The following ATP10B variants were observed in gnomAD, a reference collection of about 807,000 sequenced individuals.
ATP10B encodes phospholipid-transporting ATPase VB.
A neutral mutation model predicts 141.2 loss-of-function variants in ATP10B; 122 were observed. The observed-to-expected ratio is 0.86, with a 90% CI of 0.75 to 1.00. The LOEUF (loss-of-function observed/expected upper bound fraction) is 1.00, where lower values mean the gene tolerates loss of function less well. Among genes scored for constraint, ATP10B ranks in the 50% least tolerant of loss-of-function variants. The pLI is 0.00. For missense variants in ATP10B, 1,876 were observed against 1,825.3 expected, an observed-to-expected ratio of 1.03 and a Z score of -0.51; for synonymous variants, 685 against 692.0, an observed-to-expected ratio of 0.99 and a Z score of 0.16.
At position 160,604,499 on chromosome 5, in the gene ATP10B, A is replaced by G. The variant is rs185579724; in HGVS notation, c.3161-458T>C. ...AGGGCCAACACACTTCCCTCGGTCA[A>G]ACTTGAAATACCATATCAAGACAAC... On this transcript the variant is annotated intron_variant, in intron 19 of 25. Coordinates refer to ENST00000327245, the MANE Select transcript of ATP10B (RefSeq NM_025153.3). Among the ~76,000 whole-genome samples, 552 of 152,346 alleles carry G rather than the reference A, an allele frequency of 3.6e-3. 4 individuals carry two copies. The highest frequency in any genetic ancestry group is 3.1e-3 in the Non-Finnish European group (212 of 68,024).
intron 1 of ATP10B, among the ~76,000 whole-genome samples, chr5:160,791,413 T>C (rs1771561856): frequency 6.6e-6 from 1 of 152,146 alleles, no homozygotes; most frequent in Admixed American, 6.5e-5. Flanking sequence ...GGAATTGGTG[T>C]CATTAAACAT....
chr5:160,811,145 A>G (rs1773125602), intron 1 of ATP10B, among the ~76,000 whole-genome samples: 1 of 152,150 alleles, frequency 6.6e-6, no homozygotes, highest in Admixed American at 6.5e-5. Flanking sequence ...CTGACTAAAG[A>G]GCCCTTGGGC....
At chr5:160,831,444 G>T (rs1396883155) in intron 1 of ATP10B, among the ~76,000 whole-genome samples, 2 of 152,172 alleles carry the variant, frequency 1.3e-5, no homozygotes, top group East Asian at 1.9e-4. Context: ...TCAGGAGATT[G>T]CCAAGTACAT....
At chr5:160,924,004 T>G in the ATP10B span, among the ~76,000 whole-genome samples, 1 of 152,212 alleles carries the variant, frequency 6.6e-6, no homozygotes, top group Admixed American at 6.5e-5. Context: ...ATGAAAGGGT[T>G]GTCTGGGAAA....
chr5:160,628,819 A>G (rs1280013691), intron 13 of ATP10B, among the ~76,000 whole-genome samples: 3 of 152,192 alleles, frequency 2.0e-5, no homozygotes, highest in Non-Finnish European at 2.9e-5. Flanking sequence ...CAGTACTATT[A>G]AACATTGGCT....
At chr5:160,631,575 A>G (rs1758942831) in intron 13 of ATP10B, among the ~76,000 whole-genome samples, 1 of 152,278 alleles carries the variant, frequency 6.6e-6, no homozygotes, top group Admixed American at 6.5e-5. Flanking sequence ...TTGATCACCA[A>G]AAAGTATATT....
At chr5:160,686,619 G>C (rs1480179237) in intron 5 of ATP10B, among the ~76,000 whole-genome samples, 1 of 152,016 alleles carries the variant, frequency 6.6e-6, no homozygotes, top group Non-Finnish European at 1.5e-5. Flanking sequence ...AGTTTGTTTT[G>C]TCATGCTTAT....
At chr5:160,807,757 G>A (rs1772882304) in intron 1 of ATP10B, among the ~76,000 whole-genome samples, 1 of 152,156 alleles carries the variant, frequency 6.6e-6, no homozygotes, top group African/African-American at 2.4e-5. Flanking sequence ...CTTTTTAAAT[G>A]TGATAATGTT....
chr5:160,780,303 C>G (rs1770629044), intron 2 of ATP10B, among the ~76,000 whole-genome samples: 1 of 152,042 alleles, frequency 6.6e-6, no homozygotes, highest in Non-Finnish European at 1.5e-5. Flanking sequence ...ATGATTTAGC[C>G]TTTTTATAGG....
At chr5:160,830,543 T>C (rs1238144274) in intron 1 of ATP10B, among the ~76,000 whole-genome samples, 2 of 152,124 alleles carry the variant, frequency 1.3e-5, no homozygotes, top group African/African-American at 4.8e-5. Flanking sequence ...CAGCTGTAGA[T>C]TGATTTGAGC....
At chr5:160,612,474 T>G (rs1757769485) in intron 18 of ATP10B, 1 of 289,904 alleles carries the variant, frequency 3.4e-6, no homozygotes, top group East Asian at 6.8e-5. Flanking sequence ...ACTAGACCAA[T>G]AGTAGAATTT....
rs1017931767 is a variant in ATP10B at position 160,688,944 on chromosome 5, C to T, written c.-204-1G>A. On this transcript the variant is annotated splice_acceptor_variant, in intron 3 of 25. Transcript: ENST00000327245. LOFTEE classifies it low-confidence loss of function (5UTR_SPLICE). ...TTTTCTCCACTCCATTTGGTGGTTT[C>T]TGAAACCAAGTACTTGATTAAGCAG... The T allele has an allele frequency of 1.0e-6, 1 of 985,362 alleles. No individual in the cohort carries two copies. The highest frequency in any genetic ancestry group is 1.2e-6 in the Non-Finnish European group (1 of 829,926). 61.0% of individuals were successfully genotyped at this position (985,362 alleles called of 1,614,324 possible).
intron 2 of ATP10B, among the ~76,000 whole-genome samples, chr5:160,750,684 GCTC>G (rs773280520): frequency 1.3e-5 from 2 of 152,028 alleles, no homozygotes; most frequent in Non-Finnish European, 2.9e-5. Flanking sequence ...TGCTTTAATG[GCTC>G]CTTATTACGG....
At chr5:160,826,368 G>C (rs1196957046) in intron 1 of ATP10B, among the ~76,000 whole-genome samples, 1 of 152,146 alleles carries the variant, frequency 6.6e-6, no homozygotes, top group African/African-American at 2.4e-5. Context: ...AAATCGTGAA[G>C]ATTTCATGGA....
the ATP10B span, among the ~76,000 whole-genome samples, chr5:160,858,895 C>T: frequency 3.3e-5 from 5 of 151,782 alleles, no homozygotes; most frequent in Non-Finnish European, 7.4e-5. Context: ...AATATGTCCT[C>T]TACATATATT....
the ATP10B span, among the ~76,000 whole-genome samples, chr5:160,871,353 T>C: frequency 7.9e-5 from 12 of 152,094 alleles, no homozygotes; most frequent in Non-Finnish European, 1.6e-4. Flanking sequence ...CACATTACCC[T>C]TGAAGAGGTA....
At chr5:160,811,904 C>G (rs1031832431) in intron 1 of ATP10B, among the ~76,000 whole-genome samples, 8 of 152,104 alleles carry the variant, frequency 5.3e-5, no homozygotes, top group Non-Finnish European at 1.0e-4. Flanking sequence ...CACTGCTGTG[C>G]TGGCTTCATG....
chr5:160,888,575 T>C, the ATP10B span, among the ~76,000 whole-genome samples: 7 of 152,304 alleles, frequency 4.6e-5, no homozygotes, highest in Admixed American at 3.3e-4. Flanking sequence ...AGAAGGACCG[T>C]TCTTCTCTCT....
the ATP10B span, among the ~76,000 whole-genome samples, chr5:160,880,318 G>T: frequency 3.3e-5 from 5 of 149,926 alleles, no homozygotes; most frequent in Admixed American, 2.0e-4. Flanking sequence ...TCAAATAAAT[G>T]AAGAGATATT....
Sources: gnomAD v4.1 joint callset for allele counts (sites outside exome capture counted in the v4.1 genomes callset) on GRCh38, gnomAD v4.1.1 for gene constraint, MANE v1.5 for transcripts, NCBI Gene and HGNC (gene_info 2026-07-23, HGNC 2026-07-21) for gene names.